IL19: variants seen among roughly 807,000 people sequenced by gnomAD.
The protein encoded by IL19 is interleukin 19, also known as interleukin-19.
A neutral mutation model predicts 19.5 loss-of-function variants in IL19; 15 were observed. The observed-to-expected ratio is 0.77, with a 90% confidence interval of 0.52 to 1.19. IL19 has a LOEUF of 1.19. Ranked by LOEUF, IL19 falls within the 50% of genes most tolerant of loss-of-function variation. The pLI is 0.00. For missense variants in IL19, 199 were observed against 213.1 expected (o/e 0.93, Z 0.41); for synonymous variants, 78 against 78.3 (o/e 1.00, Z 0.02).
intron 2 of IL19, among the ~76,000 whole-genome samples, chr1:206,806,223 C>T (rs1675841341): frequency 6.6e-6 from 1 of 152,166 alleles, no homozygotes; most frequent in Admixed American, 6.5e-5. Context: ...GAGGATGGGT[C>T]AGCTTTACCT....
At chr1:206,809,282 G>C (rs1309401846) in intron 2 of IL19, among the ~76,000 whole-genome samples, 2 of 150,984 alleles carry the variant, frequency 1.3e-5, no homozygotes, top group Non-Finnish European at 3.0e-5. Flanking sequence ...GGATAATAAT[G>C]CATGATTTCC....
Position 206,770,841 on chromosome 1 carries a change from CT to C in IL19, c.-385del. 1 of 1,483,218 alleles carries C rather than the reference CT, an allele frequency of 6.7e-7. No homozygotes were observed. The highest frequency in any genetic ancestry group is 1.7e-4 in the Middle Eastern group (1 of 5,812). 91.9% of individuals were successfully genotyped at this position (1,483,218 alleles called of 1,614,324 possible). A position where few individuals can be genotyped will look rare whatever the true frequency, so the allele number is the denominator to read the frequency against. ...GCTGTGTCTGTGGATGTGAGTGTCC[CT>C]GCTGGTCTGTAGGAGATGGTATTTT... On this transcript the variant is annotated 5_prime_UTR_variant, in exon 1 of 7. Transcript: ENST00000659997.
intron 2 of IL19, among the ~76,000 whole-genome samples, chr1:206,825,182 T>G (rs1262042129): frequency 6.6e-6 from 1 of 152,214 alleles, no homozygotes; most frequent in Non-Finnish European, 1.5e-5. Context: ...TTCCATATAT[T>G]GAATCAACTT....
chr1:206,777,265 G>A lies in IL19; in HGVS notation c.-149+6187G>A, dbSNP rs576420173. 1.0e-3 allele frequency among the ~76,000 whole-genome samples: 133 copies of A among 128,002 alleles called. 27 individuals carry two copies. The highest frequency in any genetic ancestry group is 1.7e-3 in the South Asian group (7 of 4,152). 84.0% of individuals were successfully genotyped at this position (128,002 alleles called of 152,430 possible). A position where few individuals can be genotyped will look rare whatever the true frequency, so the allele number is the denominator to read the frequency against. On this transcript the variant is annotated intron_variant, in intron 1 of 6. Coordinates refer to ENST00000659997, the MANE Select transcript of IL19 (RefSeq NM_153758.5). Reference sequence around the variant, plus strand: ...AAAAAAAAAAAAAAAAATTTAGCTAGGTGTGGTGGTTGGCGCCTGTAGTCC... The same window carrying A: ...AAAAAAAAAAAAAAAAATTTAGCTAAGTGTGGTGGTTGGCGCCTGTAGTCC...
At chr1:206,811,443 C>CAAAA (rs61026012) in intron 2 of IL19, among the ~76,000 whole-genome samples, 2 of 99,724 alleles carry the variant, frequency 2.0e-5, no homozygotes, top group Non-Finnish European at 4.1e-5. Flanking sequence ...GACTCCGTCT[C>CAAAA]AAAAAAAAAA....
At chr1:206,787,124 G>C (rs956489375) in intron 1 of IL19, among the ~76,000 whole-genome samples, 10 of 152,152 alleles carry the variant, frequency 6.6e-5, no homozygotes, top group African/African-American at 2.4e-4. Context: ...ACTATTGTCA[G>C]AATATGCCCT....
At chr1:206,809,342 G>C (rs1177095346) in intron 2 of IL19, among the ~76,000 whole-genome samples, 1 of 152,184 alleles carries the variant, frequency 6.6e-6, no homozygotes, top group Non-Finnish European at 1.5e-5. Context: ...AGTCTGTACT[G>C]TTAGTTGTAC....
At chr1:206,780,939 G>T (rs1377125819) in intron 1 of IL19, among the ~76,000 whole-genome samples, 2 of 152,120 alleles carry the variant, frequency 1.3e-5, no homozygotes, top group Non-Finnish European at 2.9e-5. Context: ...GTACTCCTTG[G>T]GTACCTTAAG....
intron 1 of IL19, among the ~76,000 whole-genome samples, chr1:206,787,998 C>G (rs1255510065): frequency 6.6e-6 from 1 of 152,218 alleles, no homozygotes; most frequent in Non-Finnish European, 1.5e-5. Context: ...AAGCTTCCTT[C>G]TAAAATCCCC....
At chr1:206,777,840 G>C (rs1675046283) in intron 1 of IL19, among the ~76,000 whole-genome samples, 1 of 152,244 alleles carries the variant, frequency 6.6e-6, no homozygotes, top group Non-Finnish European at 1.5e-5. Context: ...AGCTTTGCCA[G>C]CTTGAAATTT....
At chr1:206,837,208 G>T (rs1392192790) in intron 4 of IL19, among the ~76,000 whole-genome samples, 185 bp downstream of exon 4, 2 of 152,146 alleles carry the variant, frequency 1.3e-5, no homozygotes, top group Admixed American at 1.3e-4. Flanking sequence ...TGTAACCCCT[G>T]GGAGGAATTA....
At chr1:206,787,702 G>A (rs1558607842) in intron 1 of IL19, among the ~76,000 whole-genome samples, 1 of 152,284 alleles carries the variant, frequency 6.6e-6, no homozygotes, top group East Asian at 1.9e-4. Context: ...TTTGTCAATA[G>A]GTTGAAATAC....
intron 2 of IL19, among the ~76,000 whole-genome samples, chr1:206,818,271 G>A (rs550900972): frequency 6.6e-6 from 1 of 152,176 alleles, no homozygotes; most frequent in Admixed American, 6.5e-5. Flanking sequence ...ATTCTGGGCC[G>A]ATAAACTGGA....
intron 1 of IL19, among the ~76,000 whole-genome samples, chr1:206,796,408 T>C (rs562895785): frequency 2.0e-4 from 31 of 152,284 alleles, no homozygotes; most frequent in African/African-American, 5.8e-4. Context: ...GCCATCACAA[T>C]CCTCCATTCT....
At chr1:206,818,988 T>C (rs936354033) in intron 2 of IL19, among the ~76,000 whole-genome samples, 3 of 151,850 alleles carry the variant, frequency 2.0e-5, no homozygotes, top group Non-Finnish European at 4.4e-5. Context: ...AATTTTTGTA[T>C]TTTTAGTAGA....
chr1:206,834,112 T>C, intron 2 of IL19: 6 of 985,510 alleles, frequency 6.1e-6, no homozygotes, highest in Non-Finnish European at 7.2e-6. Flanking sequence ...CTCATTTGCA[T>C]GGAGATGGGG....
intron 1 of IL19, among the ~76,000 whole-genome samples, chr1:206,783,626 C>A (rs1675197438): frequency 6.6e-6 from 1 of 152,302 alleles, no homozygotes; most frequent in African/African-American, 2.4e-5. Context: ...GCTGGAAGTG[C>A]CTTCCCCACT....
intron 1 of IL19, among the ~76,000 whole-genome samples, chr1:206,795,927 A>ATATGTGTGTGTGTG (rs1553439245): frequency 0.02 from 2,607 of 133,550 alleles, 52 homozygotes; most frequent in African/African-American, 0.061. Context: ...AAATATATAT[A>ATATGTGTGTGTGTG]TGTGTGTGTG....
intron 2 of IL19, chr1:206,833,618 A>G (rs887613616): frequency 7.2e-6 from 7 of 971,696 alleles, no homozygotes; most frequent in Middle Eastern, 5.3e-4. Context: ...AGTTTATGTA[A>G]AAAGGTAATT....
Sources: gnomAD v4.1 joint callset for allele counts (sites outside exome capture counted in the v4.1 genomes callset) on GRCh38, gnomAD v4.1.1 for gene constraint, MANE v1.5 for transcripts, NCBI Gene and HGNC (gene_info 2026-07-23, HGNC 2026-07-21) for gene names.